Variants in AGBL4 observed in about 807,000 individuals in gnomAD.
The protein encoded by AGBL4 is cytosolic carboxypeptidase 6.
In AGBL4, 58 loss-of-function variants were observed where a neutral mutation model predicts 66.4. The ratio of observed to expected loss-of-function variants is 0.87; its 90% CI spans 0.71 to 1.09. The LOEUF is 1.09. AGBL4 is among the 50% of genes least tolerant of loss of function. AGBL4 has a pLI of 0.00. For synonymous variants in AGBL4, 234 were observed against 222.9 expected (o/e 1.05, Z -0.44); for missense variants, 579 against 631.0 (o/e 0.92, Z 0.88).
At chr1:48,818,681 C>T (rs1305939592) in intron 6 of AGBL4, among the ~76,000 whole-genome samples, 1 of 151,864 alleles carries the variant, frequency 6.6e-6, no homozygotes, top group Non-Finnish European at 1.5e-5. Context: ...TATATATTAA[C>T]ATGGAAAATT....
At chr1:48,946,633 T>C (rs1192797836) in intron 5 of AGBL4, among the ~76,000 whole-genome samples, 1 of 152,222 alleles carries the variant, frequency 6.6e-6, no homozygotes, top group Non-Finnish European at 1.5e-5. Flanking sequence ...TGTGTCGGGT[T>C]CCTTCCATAA....
rs534837470 is a variant in AGBL4, at chr1:49,672,577, T to A, written c.282+24736A>T. ...TAAAAATCAGAGTGGAAATCAATAA[T>A]ATACAAAACAAAAAATTAAAAATTG... On this transcript the variant is annotated intron_variant, in intron 3 of 13. Coordinates refer to ENST00000371839, the MANE Select transcript of AGBL4 (RefSeq NM_032785.4). Among the ~76,000 whole-genome samples the A allele has an allele frequency of 1.3e-4, 5 of 38,384 alleles. No individual in the cohort carries two copies. In the East Asian group the frequency reaches 3.6e-3, roughly 28 times the overall value. The allele number at this position is 38,384 out of a possible 152,430, so 25.2% of individuals were successfully genotyped here.
At chr1:49,393,899 C>A (rs532025186) in intron 3 of AGBL4, among the ~76,000 whole-genome samples, 1 of 152,230 alleles carries the variant, frequency 6.6e-6, no homozygotes, top group Admixed American at 6.5e-5. Flanking sequence ...TTGAACACTT[C>A]GGTGTGCCAG....
At chr1:48,773,396 T>C (rs779137129) in intron 6 of AGBL4, among the ~76,000 whole-genome samples, 25 of 152,010 alleles carry the variant, frequency 1.6e-4, no homozygotes, top group South Asian at 4.1e-4. Flanking sequence ...AGGTCAAAGG[T>C]GAGTCAAACT....
chr1:49,642,796 T>C (rs1416523426), intron 3 of AGBL4, among the ~76,000 whole-genome samples: 1 of 152,004 alleles, frequency 6.6e-6, no homozygotes, highest in East Asian at 1.9e-4. Flanking sequence ...TTTAACAGTT[T>C]ATAAGAAAGA....
At chr1:48,998,127 TC>T (rs1341630871) in intron 5 of AGBL4, among the ~76,000 whole-genome samples, 4 of 152,180 alleles carry the variant, frequency 2.6e-5, no homozygotes, top group Non-Finnish European at 4.4e-5. Flanking sequence ...TGCAATTTCA[TC>T]GATTATCCCT....
chr1:48,732,767 A>G (rs914695184), intron 6 of AGBL4, among the ~76,000 whole-genome samples: 1 of 152,200 alleles, frequency 6.6e-6, no homozygotes, highest in Non-Finnish European at 1.5e-5. Context: ...ACCCAAAGTC[A>G]AGGGCACACT....
chr1:48,840,017 G>A (rs914632731), intron 6 of AGBL4, among the ~76,000 whole-genome samples: 2 of 152,186 alleles, frequency 1.3e-5, no homozygotes, highest in Non-Finnish European at 2.9e-5. Context: ...CACTCCTGCT[G>A]AGGGTATATA....
At chr1:49,724,159 T>C (rs904369534) in intron 2 of AGBL4, among the ~76,000 whole-genome samples, 1 of 152,158 alleles carries the variant, frequency 6.6e-6, no homozygotes, top group African/African-American at 2.4e-5. Flanking sequence ...TTGGATGATA[T>C]ACTTCAAGAA....
At chr1:49,128,798 A>C (rs1485540963) in intron 4 of AGBL4, among the ~76,000 whole-genome samples, 1 of 152,092 alleles carries the variant, frequency 6.6e-6, no homozygotes, top group African/African-American at 2.4e-5. Context: ...TTTTGACCAA[A>C]GGTTTGGCAA....
chr1:49,274,833 G>A lies in AGBL4; in HGVS notation c.283-28969C>T, dbSNP rs186413958. On this transcript the variant is annotated intron_variant, in intron 3 of 13. Transcript: ENST00000371839. ...AATTCATGGGGCTAAACTGATAAAG[G>A]ACTCAAATGATTTTTATAACTTTTT... Among the ~76,000 whole-genome samples, 814 of 152,180 alleles carry A rather than the reference G, an allele frequency of 5.3e-3. 3 individuals are homozygous for A. The highest frequency in any genetic ancestry group is 8.7e-3 in the Admixed American group (132 of 15,260).
intron 6 of AGBL4, among the ~76,000 whole-genome samples, chr1:48,769,894 T>C (rs1443036667): frequency 6.6e-6 from 1 of 152,228 alleles, no homozygotes; most frequent in Non-Finnish European, 1.5e-5. Context: ...ACCCAGACTA[T>C]GTAACTTCAA....
At chr1:48,712,033 G>T (rs1284078277) in intron 6 of AGBL4, among the ~76,000 whole-genome samples, 1 of 151,862 alleles carries the variant, frequency 6.6e-6, no homozygotes, top group Non-Finnish European at 1.5e-5. Context: ...ACTCGCTCTG[G>T]CCCCATCTGT....
chr1:49,423,113 T>C (rs1435701448), intron 3 of AGBL4: 1 of 152,192 alleles, frequency 6.6e-6, no homozygotes, highest in Non-Finnish European at 1.5e-5. Flanking sequence ...GGAGCTGAGT[T>C]ACCCTACGAA....
intron 4 of AGBL4, among the ~76,000 whole-genome samples, chr1:49,203,160 G>A (rs1233194712): frequency 6.6e-6 from 1 of 151,584 alleles, no homozygotes; most frequent in Non-Finnish European, 1.5e-5. Context: ...GAACTTTTGT[G>A]CACTGTTGGT....
chr1:48,910,088 T>TTA (rs1652956114), intron 5 of AGBL4, among the ~76,000 whole-genome samples: 1 of 152,198 alleles, frequency 6.6e-6, no homozygotes, highest in Non-Finnish European at 1.5e-5. Flanking sequence ...AGAAAGAACT[T>TTA]CCTTAATGAA....
chr1:49,483,298 C>T (rs1016616674), intron 3 of AGBL4, among the ~76,000 whole-genome samples: 1 of 151,904 alleles, frequency 6.6e-6, no homozygotes, highest in Non-Finnish European at 1.5e-5. Context: ...GCAATAAAAA[C>T]TATAAAACAT....
At chr1:49,862,380 C>A in intron 1 of AGBL4, among the ~76,000 whole-genome samples, 1 of 148,742 alleles carries the variant, frequency 6.7e-6, no homozygotes, top group Admixed American at 6.7e-5. Flanking sequence ...TGAAGCATAA[C>A]TACAGGATCT....
At chr1:49,476,589 T>C (rs1238624279) in intron 3 of AGBL4, among the ~76,000 whole-genome samples, 1 of 152,092 alleles carries the variant, frequency 6.6e-6, no homozygotes, top group Non-Finnish European at 1.5e-5. Flanking sequence ...GGTGCTCCAA[T>C]ACTGAGTGCA....
Sources: allele counts gnomAD v4.1 joint callset (sites outside exome capture counted in the v4.1 genomes callset), GRCh38; gene constraint gnomAD v4.1.1; transcripts MANE v1.5; gene names NCBI Gene and HGNC (gene_info 2026-07-23, HGNC 2026-07-21).